LIPA: variants seen among roughly 807,000 people sequenced by gnomAD.
LIPA encodes lysosomal acid lipase/cholesteryl ester hydrolase.
A neutral mutation model predicts 40.6 loss-of-function variants in LIPA; 26 were observed. That is an observed-to-expected ratio of 0.64 (90% confidence interval 0.47 to 0.89). LIPA has a LOEUF of 0.89. LIPA is among the 40% of genes least tolerant of loss of function. The probability of loss-of-function intolerance (pLI) is 0.00; values close to 1 mark genes in which losing one functional copy is unlikely to be tolerated. For synonymous variants in LIPA, 188 were observed against 168.4 expected, an observed-to-expected ratio of 1.12 and a Z score of -0.90; for missense variants, 455 against 479.6, an observed-to-expected ratio of 0.95 and a Z score of 0.48.
chr10:89,224,992 G>C, intron 6 of LIPA, 100 bp downstream of exon 6: 1 of 1,394,456 alleles, frequency 7.2e-7, no homozygotes, highest in Non-Finnish European at 1.0e-6. Flanking sequence ...ATATCAAAAC[G>C]CAGGGGAGGA....
At chr10:89,392,828 C>T in intron 2 of LIPA, 1 of 1,095,674 alleles carries the variant, frequency 9.1e-7, no homozygotes, top group South Asian at 1.3e-5. Flanking sequence ...TCTAATTCCT[C>T]GATTTGAGTA....
chr10:89,250,575 G>T (rs889590868), intron 1 of LIPA, among the ~76,000 whole-genome samples: 6 of 152,150 alleles, frequency 3.9e-5, no homozygotes, highest in African/African-American at 1.4e-4. Context: ...TAGAGAATAA[G>T]GAGTAAATTG....
At chr10:89,304,312 T>C (rs191126226) in intron 1 of LIPA, among the ~76,000 whole-genome samples, 1 of 152,266 alleles carries the variant, frequency 6.6e-6, no homozygotes, top group East Asian at 1.9e-4. Flanking sequence ...GGCATCCTAA[T>C]GGCAGATGCA....
intron 3 of LIPA, among the ~76,000 whole-genome samples, chr10:89,241,828 G>T (rs1299126170): frequency 6.6e-6 from 1 of 152,016 alleles, no homozygotes; most frequent in African/African-American, 2.4e-5. Flanking sequence ...AATATATATT[G>T]TGCCTATCAT....
chr10:89,306,700 T>C, intron 1 of LIPA: 2 of 1,614,142 alleles, frequency 1.2e-6, no homozygotes, highest in South Asian at 2.2e-5. Context: ...GTGTAACAGA[T>C]GTTCTTCGCA....
At chr10:89,395,842 A>C (rs1844335803) in intron 2 of LIPA, among the ~76,000 whole-genome samples, 1 of 152,076 alleles carries the variant, frequency 6.6e-6, no homozygotes, top group Non-Finnish European at 1.5e-5. Context: ...TACAACAGTG[A>C]CCTTTTGGAT....
At chr10:89,339,873 T>C (rs3780878) in intron 1 of LIPA, 359,794 of 1,614,016 alleles carry the variant, frequency 0.22, 41,346 homozygotes, top group African/African-American at 0.27. Context: ...AGAATGTATC[T>C]GAAAATCTGC....
chr10:89,326,274 C>T (rs1010896124), intron 1 of LIPA, among the ~76,000 whole-genome samples: 3 of 152,182 alleles, frequency 2.0e-5, no homozygotes, highest in Admixed American at 1.3e-4. Flanking sequence ...GAATGAGATC[C>T]TGTCATTTGC....
At chr10:89,332,225 A>G (rs1481954607) in intron 1 of LIPA, among the ~76,000 whole-genome samples, 1 of 152,220 alleles carries the variant, frequency 6.6e-6, no homozygotes, top group Admixed American at 6.5e-5. Flanking sequence ...CAGGTCAAAG[A>G]GCAACAGTCA....
At chr10:89,291,255 G>A (rs569728840) in intron 1 of LIPA, among the ~76,000 whole-genome samples, 1 of 148,954 alleles carries the variant, frequency 6.7e-6, no homozygotes, top group East Asian at 2.0e-4. Flanking sequence ...CTTCCTCCCT[G>A]CCTTCCAGAT....
chr10:89,213,629 A>G lies in LIPA; in HGVS notation c.*1199T>C, dbSNP rs938955264. 4 of 152,304 alleles carry G rather than the reference A, an allele frequency of 2.6e-5. No homozygotes were observed. The highest frequency in any genetic ancestry group is 1.9e-4 in the East Asian group (1 of 5,206). 9.4% of individuals were successfully genotyped at this position (152,304 alleles called of 1,614,324 possible). ...AAAAGTTTAAGACTTTAAAAGTTACAAAGTAGTATTCGCCCTGCCTATATT... is the reference window on the plus strand; with the variant it reads ...AAAAGTTTAAGACTTTAAAAGTTACGAAGTAGTATTCGCCCTGCCTATATT... On this transcript the variant is annotated 3_prime_UTR_variant, in exon 10 of 10. Transcript: ENST00000336233.
In LIPA at chr10:89,228,237, T is replaced by G; in HGVS notation, c.391A>C (p.Thr131Pro). 1 of 1,614,166 alleles carries G rather than the reference T, an allele frequency of 6.2e-7. No homozygotes were observed. The highest frequency in any genetic ancestry group is 1.3e-5 in the African/African-American group (1 of 75,052). ...AATTCATCCTGAGAAACTGAGAGTG[T>G]CTTATGTTTCCGAGACCAGGTATTT... The part of the protein sequence containing the change: ...RGNTWSRKHK[T>P]LSVSQDEFWA... The change falls in exon 4 of 10, where the codon ACA becomes CCA. Residue 131 changes from threonine to proline, a missense_variant. Transcript: ENST00000336233.
chr10:89,317,137 A>G (rs905668246), intron 1 of LIPA, among the ~76,000 whole-genome samples: 2 of 152,350 alleles, frequency 1.3e-5, no homozygotes, highest in South Asian at 2.1e-4. Flanking sequence ...TGAAAATTCT[A>G]AAAAATCAGA....
At chr10:89,403,423 A>T in intron 2 of LIPA, 1 of 1,613,992 alleles carries the variant, frequency 6.2e-7, no homozygotes, top group Non-Finnish European at 8.5e-7. Flanking sequence ...ATACATTTCC[A>T]CTATGGTCGG....
At chr10:89,313,096 T>A (rs1269099997) in intron 1 of LIPA, among the ~76,000 whole-genome samples, 1 of 152,188 alleles carries the variant, frequency 6.6e-6, no homozygotes, top group Non-Finnish European at 1.5e-5. Flanking sequence ...CCAGTATTTC[T>A]CAGACTTTAA....
At chr10:89,256,422 T>C (rs75804482), upstream of LIPA, among the ~76,000 whole-genome samples, 137 of 152,232 alleles carry the variant, frequency 9.0e-4, 3 homozygotes, top group African/African-American at 2.4e-3. Flanking sequence ...ATTCAGAAGA[T>C]ATAAAAGCTG....
upstream of LIPA, among the ~76,000 whole-genome samples, chr10:89,255,222 G>A (rs1843174732): frequency 1.3e-5 from 2 of 152,172 alleles, no homozygotes; most frequent in South Asian, 2.1e-4. Context: ...AAAGGAAAGA[G>A]GTTTAATTGA....
chr10:89,312,757 C>T (rs1299836381), intron 1 of LIPA, among the ~76,000 whole-genome samples: 1 of 150,944 alleles, frequency 6.6e-6, no homozygotes, highest in Admixed American at 6.6e-5. Context: ...TGCAGTGAGC[C>T]GAGATTGCAC....
chr10:89,372,477 G>A (rs1004072841), intron 2 of LIPA, among the ~76,000 whole-genome samples: 5 of 152,208 alleles, frequency 3.3e-5, no homozygotes, highest in African/African-American at 1.2e-4. Context: ...AGCAACCAAT[G>A]TGTACTGTTT....
Sources: allele counts gnomAD v4.1 joint callset (sites outside exome capture counted in the v4.1 genomes callset), GRCh38; gene constraint gnomAD v4.1.1; transcripts MANE v1.5; gene names NCBI Gene and HGNC (gene_info 2026-07-23, HGNC 2026-07-21).